PCDHA4: variants seen among roughly 807,000 people sequenced by gnomAD.
The protein encoded by PCDHA4 is protocadherin alpha-4.
A neutral mutation model predicts 61.4 loss-of-function variants in PCDHA4; 49 were observed. That is an observed-to-expected ratio of 0.80 (90% CI 0.63 to 1.01). PCDHA4 has a LOEUF of 1.01. Among genes scored for constraint, PCDHA4 ranks in the 50% least tolerant of loss-of-function variants. The pLI is 0.00. For synonymous variants in PCDHA4, 590 were observed against 550.3 expected (o/e 1.07, Z -1.01); for missense variants, 1,254 against 1,235.8 (o/e 1.01, Z -0.22).
chr5:140,975,514 C>T (rs549258421), intron 1 of PCDHA4, among the ~76,000 whole-genome samples: 2 of 152,304 alleles, frequency 1.3e-5, no homozygotes, highest in African/African-American at 4.8e-5. Flanking sequence ...TATGCAAAAT[C>T]TGCAGTGGAT....
At chr5:140,920,851 A>C (rs1370021063) in intron 1 of PCDHA4, among the ~76,000 whole-genome samples, 1 of 152,008 alleles carries the variant, frequency 6.6e-6, no homozygotes, top group Non-Finnish European at 1.5e-5. Flanking sequence ...TAAAAAAAAA[A>C]AAAAAAACAA....
chr5:140,869,184 G>A (rs1554162580), intron 1 of PCDHA4: 44 of 1,613,836 alleles, frequency 2.7e-5, no homozygotes, highest in Non-Finnish European at 3.7e-5. Flanking sequence ...GGGAGGTGGG[G>A]AGCGGCCAGC....
intron 1 of PCDHA4, chr5:140,968,462 A>G: frequency 6.2e-7 from 1 of 1,614,104 alleles, no homozygotes; most frequent in African/African-American, 1.3e-5. Flanking sequence ...TGTGACTGCC[A>G]ACGTATATGT....
Position 140,821,010 on chromosome 5 carries a change from C to G in PCDHA4, c.2385+11438C>G, listed in dbSNP as rs1020612182. ...TATAGATAAAGAAATAGGTTTTCAT[C>G]GATTTGAAAATTAGAACTCCGAGAA... On this transcript the variant is annotated intron_variant, in intron 1 of 3. Coordinates refer to ENST00000530339, the MANE Select transcript of PCDHA4 (RefSeq NM_018907.4). Among the ~76,000 whole-genome samples the G allele has an allele frequency of 3.3e-5, 5 of 151,734 alleles. No homozygotes were observed. In the South Asian group the frequency reaches 1.0e-3, roughly 32 times the overall value.
chr5:140,868,933 T>C, intron 1 of PCDHA4: 1 of 1,104,696 alleles, frequency 9.1e-7, no homozygotes, highest in Non-Finnish European at 1.3e-6. Flanking sequence ...ATTTAAAGGT[T>C]GGTCTGAACA....
Position 140,807,842 on chromosome 5 carries a change from A to C in PCDHA4, c.655A>C (p.Lys219Gln). ...FLVLTATDGG[K>Q]PELTGTVQLL... ...AGTGCTCACAGCCACTGATGGAGGC[A>C]AACCCGAGTTGACTGGCACCGTTCA... Residue 219 changes from lysine to glutamine, a missense_variant, in exon 1 of 4, where the codon AAA (lysine) becomes CAA (glutamine). By Grantham distance (53) the Lys-to-Gln change is moderately conservative. Coordinates refer to ENST00000530339, the MANE Select transcript of PCDHA4 (RefSeq NM_018907.4). The C allele has an allele frequency of 6.2e-7, 1 of 1,614,174 alleles. No individual in the cohort carries two copies.
chr5:140,852,333 A>G, intron 1 of PCDHA4: 1 of 262,614 alleles, frequency 3.8e-6, no homozygotes, highest in Non-Finnish European at 6.4e-6. Context: ...GCTGGAGTAC[A>G]GTGGCATGAT....
chr5:140,855,098 A>G (rs1204884452), intron 1 of PCDHA4, among the ~76,000 whole-genome samples: 1 of 149,990 alleles, frequency 6.7e-6, no homozygotes, highest in African/African-American at 2.4e-5. Flanking sequence ...CCTGTGCAGT[A>G]GCAATAATTA....
At chr5:140,953,554 A>C (rs1554220985) in intron 1 of PCDHA4, among the ~76,000 whole-genome samples, 2 of 152,044 alleles carry the variant, frequency 1.3e-5, no homozygotes, top group Non-Finnish European at 2.9e-5. Flanking sequence ...TCTTTTCTCC[A>C]AGTTTTAGTG....
At chr5:140,862,719 C>A (rs2047508176) in intron 1 of PCDHA4, 3 of 565,388 alleles carry the variant, frequency 5.3e-6, no homozygotes, top group Admixed American at 1.9e-5. Context: ...TGGGCGAGTG[C>A]GCGCTGTCTA....
At chr5:140,835,742 G>T in intron 1 of PCDHA4, 1 of 1,613,670 alleles carries the variant, frequency 6.2e-7, no homozygotes, top group Non-Finnish European at 8.5e-7. Flanking sequence ...ACAACGCCCC[G>T]GCGTTCGCGC....
At chr5:140,856,839 A>T in intron 1 of PCDHA4, 1 of 1,592,670 alleles carries the variant, frequency 6.3e-7, no homozygotes, top group Non-Finnish European at 8.6e-7. Context: ...ATACGGCTCA[A>T]CGCTTCTGAT....
intron 1 of PCDHA4, chr5:140,882,682 A>G (rs782727780): frequency 9.3e-6 from 15 of 1,614,080 alleles, no homozygotes; most frequent in Admixed American, 3.3e-5. Context: ...AAAGCAAGAA[A>G]CGAATAATCA....
At chr5:140,858,464 T>C in intron 1 of PCDHA4, 6 of 1,523,496 alleles carry the variant, frequency 3.9e-6, no homozygotes, top group South Asian at 1.2e-5. Context: ...CATTTTCCTT[T>C]TGTGCTTTAT....
chr5:140,875,208 C>G (rs1297860404), intron 1 of PCDHA4: 2 of 668,428 alleles, frequency 3.0e-6, no homozygotes, highest in East Asian at 6.8e-5. Flanking sequence ...GTGGCTAAAC[C>G]GAAAAGAACC....
intron 1 of PCDHA4, chr5:140,881,265 T>C (rs1352186503): frequency 1.7e-6 from 1 of 600,348 alleles, no homozygotes; most frequent in Non-Finnish European, 2.1e-6. Context: ...TACTCAGTGA[T>C]GATGAAGTAA....
At chr5:140,966,741 G>T in intron 1 of PCDHA4, 1 of 1,421,322 alleles carries the variant, frequency 7.0e-7, no homozygotes, top group Non-Finnish European at 9.1e-7. Flanking sequence ...GGCCCTGCCC[G>T]GCTGCCTCCG....
intron 1 of PCDHA4, chr5:140,969,110 C>G (rs1380719565): frequency 2.5e-6 from 4 of 1,614,064 alleles, no homozygotes; most frequent in South Asian, 2.2e-5. Context: ...CATTGAAGTT[C>G]GAGGGAATGG....
chr5:140,868,681 TATA>T (rs1235223560), intron 1 of PCDHA4: 45 of 172,206 alleles, frequency 2.6e-4, no homozygotes, highest in African/African-American at 1.0e-3. Context: ...AGAACAATGT[TATA>T]ATGTTAAGTC....
Sources: gnomAD v4.1 joint callset for allele counts (sites outside exome capture counted in the v4.1 genomes callset) on GRCh38, gnomAD v4.1.1 for gene constraint, MANE v1.5 for transcripts, NCBI Gene and HGNC (gene_info 2026-07-23, HGNC 2026-07-21) for gene names.